UGT2B4: variants seen among roughly 807,000 people sequenced by gnomAD.
The protein encoded by UGT2B4 is UDP glucuronosyltransferase family 2 member B4.
A neutral mutation model predicts 49.8 loss-of-function variants in UGT2B4; 49 were observed. That is an observed-to-expected ratio of 0.98 (90% CI 0.78 to 1.25). UGT2B4 has a LOEUF of 1.25. UGT2B4 is among the 50% of genes most tolerant of loss of function. UGT2B4 has a pLI of 0.00. For missense variants in UGT2B4, 729 were observed against 627.7 expected (o/e 1.16, Z -1.73); for synonymous variants, 246 against 217.7 (o/e 1.13, Z -1.14).
At chr4:69,503,912 G>C (rs1577896869) in intron 1 of UGT2B4, among the ~76,000 whole-genome samples, 1 of 152,202 alleles carries the variant, frequency 6.6e-6, no homozygotes, top group Non-Finnish European at 1.5e-5. Flanking sequence ...GAACAAAGTT[G>C]AGACCCAATA....
intron 1 of UGT2B4, among the ~76,000 whole-genome samples, chr4:69,505,037 A>G (rs1010947528): frequency 6.6e-6 from 1 of 152,166 alleles, no homozygotes; most frequent in Non-Finnish European, 1.5e-5. Flanking sequence ...TGTTACCACC[A>G]CACCTGCCTT....
chr4:69,500,619 A>G (rs1286810267), upstream of UGT2B4, among the ~76,000 whole-genome samples: 3 of 126,684 alleles, frequency 2.4e-5, no homozygotes, highest in East Asian at 6.2e-4. Flanking sequence ...GAAAGAAAGA[A>G]AGAAAGAAAG....
rs201136544 is a variant in UGT2B4 at position 69,493,703 on chromosome 4, G to C, written c.860C>G (p.Pro287Arg). ...ACAGTAATAGTTTACCTTCGGTAGGGGTTTGGCAGGTTTGCAGTGGAGTCC... is the reference window on the plus strand; with the variant it reads ...ACAGTAATAGTTTACCTTCGGTAGGCGTTTGGCAGGTTTGCAGTGGAGTCC... ...VGGLHCKPAK[P>R]LPKEMEEFVQ... The change falls in exon 2 of 6, where the codon CCC becomes CGC. Residue 287 changes from proline (P) to arginine (R), a missense_variant. By Grantham distance (103) the Pro-to-Arg change is moderately radical. Coordinates refer to ENST00000305107, the MANE Select transcript of UGT2B4 (RefSeq NM_021139.3). 1.7e-4 allele frequency: 270 copies of C among 1,607,228 alleles called. 1 individual carries two copies. In the African/African-American group the frequency reaches 3.3e-3, roughly 19 times the overall value.
chr4:69,505,335 C>T (rs1728440713), intron 1 of UGT2B4, among the ~76,000 whole-genome samples: 1 of 152,080 alleles, frequency 6.6e-6, no homozygotes, highest in Non-Finnish European at 1.5e-5. Flanking sequence ...ACCAATCTCA[C>T]CTGCAATGGC....
chr4:69,498,937 G>A (rs1255213286), upstream of UGT2B4, among the ~76,000 whole-genome samples: 1 of 152,010 alleles, frequency 6.6e-6, no homozygotes, highest in African/African-American at 2.4e-5. Context: ...TGGCTCTCTA[G>A]TTCTTTTAGT....
intron 4 of UGT2B4, among the ~76,000 whole-genome samples, chr4:69,485,646 A>T (rs1419759597): frequency 6.6e-6 from 1 of 152,130 alleles, no homozygotes; most frequent in African/African-American, 2.4e-5. Flanking sequence ...ATACAAGATT[A>T]CCAGTTGAAC....
intron 4 of UGT2B4, among the ~76,000 whole-genome samples, chr4:69,485,981 G>C (rs1312233700): frequency 6.6e-6 from 1 of 152,020 alleles, no homozygotes; most frequent in East Asian, 1.9e-4. Context: ...GGATGGTCTT[G>C]AACTCCTGAG....
chr4:69,500,830 A>G (rs983617873), upstream of UGT2B4, among the ~76,000 whole-genome samples: 11 of 152,104 alleles, frequency 7.2e-5, no homozygotes, highest in African/African-American at 2.4e-4. Context: ...AAGTCCCCTC[A>G]TGAACCCACT....
intron 1 of UGT2B4, among the ~76,000 whole-genome samples, chr4:69,519,834 G>A (rs10020023): frequency 6.6e-6 from 1 of 151,978 alleles, no homozygotes; most frequent in Non-Finnish European, 1.5e-5. Flanking sequence ...TCCTCTGCCC[G>A]TTCAATATTA....
chr4:69,488,623 C>T (rs1727865938), intron 3 of UGT2B4, among the ~76,000 whole-genome samples: 1 of 151,906 alleles, frequency 6.6e-6, no homozygotes, highest in East Asian at 1.9e-4. Flanking sequence ...CCCTGCCTGG[C>T]TTCCTTCTGC....
Position 69,486,760 on chromosome 4 carries a change from A to T in UGT2B4, c.1003-64T>A. The T allele has an allele frequency of 5.6e-6, 7 of 1,241,632 alleles. No individual in the cohort carries two copies. In the South Asian group the frequency reaches 9.1e-5, roughly 16 times the overall value. 76.9% of individuals were successfully genotyped at this position (1,241,632 alleles called of 1,614,324 possible). On this transcript the variant is annotated intron_variant, in intron 3 of 5. Coordinates refer to ENST00000305107, the MANE Select transcript of UGT2B4 (RefSeq NM_021139.3). ...ACTCAAAAGTCATAGAATGTTAGAA[A>T]TCTAAAGAGATTAACAATGAGAAGA...
Position 69,485,307 on chromosome 4 carries a change from G to A in UGT2B4, c.1211C>T (p.Ala404Val). 1.9e-6 allele frequency: 3 copies of A among 1,614,008 alleles called. No homozygotes were observed. The highest frequency in any genetic ancestry group is 1.3e-5 in the African/African-American group (1 of 75,018). Residue 404 changes from alanine (A) to valine (V), a missense_variant, in exon 5 of 6, where the codon GCA becomes GTA. Physicochemically the swap from Ala to Val is moderately conservative, Grantham distance 64. Coordinates refer to ENST00000305107, the MANE Select transcript of UGT2B4 (RefSeq NM_021139.3). ...AGCTGCTCCCTTGGCCTTCATGTGT[G>A]CAATGTTATCAGGTTGATCTGCAAA... is the stretch of plus-strand genomic sequence containing the variant. ...PLFADQPDNIAHMKAKGAAVS... is the reference protein window; with the variant it reads ...PLFADQPDNIVHMKAKGAAVS...
chr4:69,500,670 G>GAAAGAAAGAAAGAAAGAAAGA (rs1560438465), upstream of UGT2B4, among the ~76,000 whole-genome samples: 59 of 62,838 alleles, frequency 9.4e-4, no homozygotes, highest in Non-Finnish European at 1.6e-3. Context: ...AGAAAGAAAG[G>GAAAGAAAGAAAGAAAGAAAGA]AAGGAAAGAA....
chr4:69,494,283 G>C (rs1258425293), intron 1 of UGT2B4, among the ~76,000 whole-genome samples: 1 of 152,042 alleles, frequency 6.6e-6, no homozygotes, highest in African/African-American at 2.4e-5. Context: ...TTTTATCTTT[G>C]GTTCTTCAGG....
rs1421172454 is a variant in UGT2B4, at chr4:69,495,352, G to A, written c.510C>T (p.Tyr170=). The part of the protein sequence containing the change: ...LAELLKIPFV[Y]SLRFSPGYAI... ...CGTAGCCAGGAGAGAAGCGGAGGCT[G>A]TAGACAAAGGGTATTTTAAGTAACT... Residue 170 remains tyrosine, a synonymous_variant, in exon 1 of 6, where the codon TAC becomes TAT. Coordinates refer to ENST00000305107, the MANE Select transcript of UGT2B4 (RefSeq NM_021139.3). 6 of 1,613,698 alleles carry A rather than the reference G, an allele frequency of 3.7e-6. No individual in the cohort carries two copies. The highest frequency in any genetic ancestry group is 1.7e-5 in the Admixed American group (1 of 59,932).
At position 69,489,623 on chromosome 4, in the gene UGT2B4, A is replaced by G. The variant is rs571160062; in HGVS notation, c.871-53T>C. ...ATAATAGATTATCAGCACAGCAAGCACTGTGAAAGAATTGTTATAAAAAGA... is the reference window on the plus strand; with the variant it reads ...ATAATAGATTATCAGCACAGCAAGCGCTGTGAAAGAATTGTTATAAAAAGA... On this transcript the variant is annotated intron_variant, in intron 2 of 5. Coordinates refer to ENST00000305107, the MANE Select transcript of UGT2B4 (RefSeq NM_021139.3). 263 of 1,557,722 alleles carry G rather than the reference A, an allele frequency of 1.7e-4. 2 individuals are homozygous for G. In the African/African-American group the frequency reaches 3.3e-3, roughly 19 times the overall value.
intron 2 of UGT2B4, among the ~76,000 whole-genome samples, chr4:69,493,445 G>T (rs778472150): frequency 6.6e-6 from 1 of 152,040 alleles, no homozygotes; most frequent in Non-Finnish European, 1.5e-5. Context: ...CTTCTTATAT[G>T]TTGCATAATC....
At chr4:69,500,614 A>C (rs55879856), upstream of UGT2B4, among the ~76,000 whole-genome samples, 17,928 of 114,366 alleles carry the variant, frequency 0.16, 1,557 homozygotes, top group East Asian at 0.3. Flanking sequence ...AGGAAGAAAG[A>C]AAGAAAGAAA....
intron 1 of UGT2B4, among the ~76,000 whole-genome samples, chr4:69,504,896 A>G (rs2109823571): frequency 6.6e-6 from 1 of 152,324 alleles, no homozygotes; most frequent in East Asian, 1.9e-4. Flanking sequence ...TAAAACTAAC[A>G]GTGTACCTCT....
Sources: gnomAD v4.1 joint callset for allele counts (sites outside exome capture counted in the v4.1 genomes callset) on GRCh38, gnomAD v4.1.1 for gene constraint, MANE v1.5 for transcripts, NCBI Gene and HGNC (gene_info 2026-07-23, HGNC 2026-07-21) for gene names.